Variants in PCDHGB1 observed in about 807,000 individuals in gnomAD.
PCDHGB1 encodes protocadherin gamma subfamily B, 1.
PCDHGB1 carries 34 observed loss-of-function variants against 56.6 expected under a neutral mutation model. The observed-to-expected ratio is 0.60, with a 90% CI of 0.46 to 0.80. The LOEUF is 0.80. Ranked by LOEUF, PCDHGB1 falls within the 30% of genes least tolerant of loss-of-function variation. PCDHGB1 has a pLI of 0.00. For missense variants in PCDHGB1, 1,278 were observed against 1,204.6 expected, an observed-to-expected ratio of 1.06 and a Z score of -0.90; for synonymous variants, 561 against 505.9, an observed-to-expected ratio of 1.11 and a Z score of -1.46.
chr5:141,473,925 T>C (rs1338065496), intron 1 of PCDHGB1, among the ~76,000 whole-genome samples: 1 of 152,124 alleles, frequency 6.6e-6, no homozygotes, highest in East Asian at 1.9e-4. Context: ...AACTATGAGC[T>C]GGGTGCAGTA....
intron 1 of PCDHGB1, chr5:141,400,589 A>G (rs771561940): frequency 4.4e-6 from 7 of 1,605,662 alleles, no homozygotes; most frequent in South Asian, 2.2e-5. Flanking sequence ...ACATGAAACT[A>G]TCGTACATTT....
At position 141,426,001 on chromosome 5, in the gene PCDHGB1, T is replaced by C. The variant is rs553657872; in HGVS notation, c.2410-68806T>C. Among the ~76,000 whole-genome samples, 3 of 152,318 alleles carry C rather than the reference T, an allele frequency of 2.0e-5. No individual in the cohort carries two copies. In the South Asian group the frequency reaches 6.2e-4, roughly 32 times the overall value. The stretch of plus-strand genomic sequence containing the variant: ...TGAATCCCATTGAATTAGCAAAGGC[T>C]TCCGGCTGCAGTTTTCTAAATAGAC... On this transcript the variant is annotated intron_variant, in intron 1 of 3. Transcript: ENST00000523390.
At chr5:141,384,990 G>A in intron 1 of PCDHGB1, 1 of 1,614,140 alleles carries the variant, frequency 6.2e-7, no homozygotes, top group Non-Finnish European at 8.5e-7. Context: ...TGGTGGCGGT[G>A]GCCACAGTCT....
rs1554116873 is a variant in PCDHGB1 at position 141,423,758 on chromosome 5, G to GT, written c.2410-71049_2410-71048insT. On this transcript the variant is annotated intron_variant, in intron 1 of 3. Coordinates refer to ENST00000523390, the MANE Select transcript of PCDHGB1 (RefSeq NM_018922.3). Reference sequence around the variant, plus strand: ...CTGTTATGAAAACTGTTTGGGGGGGGGGTGGGGCGGCATATATTTAGTTCA... The same window carrying GT: ...CTGTTATGAAAACTGTTTGGGGGGGGTGGTGGGGCGGCATATATTTAGTTCA... 14 of 366,842 alleles carry GT rather than the reference G, an allele frequency of 3.8e-5. 1 individual carries two copies. The highest frequency in any genetic ancestry group is 5.4e-5 in the Non-Finnish European group (14 of 259,742). The allele number at this position is 366,842 out of a possible 1,614,324, so 22.7% of individuals were successfully genotyped here. A position where few individuals can be genotyped will look rare whatever the true frequency, so the allele number is the denominator to read the frequency against.
At chr5:141,450,626 A>G (rs1474729472) in intron 1 of PCDHGB1, among the ~76,000 whole-genome samples, 1 of 151,438 alleles carries the variant, frequency 6.6e-6, no homozygotes, top group East Asian at 2.0e-4. Context: ...AGCTGGGATT[A>G]CAGATGCCTG....
At chr5:141,494,755 C>T (rs1246224213) in intron 1 of PCDHGB1, 52 bp from the exon 2 acceptor site, 18 of 1,613,724 alleles carry the variant, frequency 1.1e-5, no homozygotes, top group African/African-American at 1.3e-5. Context: ...GCTCGGGTGA[C>T]ATTCTAACTT....
chr5:141,375,414 A>G lies in PCDHGB1; in HGVS notation c.2409+22745A>G, dbSNP rs752900319. The stretch of plus-strand genomic sequence containing the variant: ...ACAATCATCTCTCTAAATGTGGCAG[A>G]CACCAACGACAACCCGCCCACCTTC... On this transcript the variant is annotated intron_variant, in intron 1 of 3. Transcript: ENST00000523390. 21 of 1,613,866 alleles carry G rather than the reference A, an allele frequency of 1.3e-5. No homozygotes were observed. In the South Asian group the frequency reaches 1.6e-4, roughly 13 times the overall value.
Position 141,489,948 on chromosome 5 carries a change from T to G in PCDHGB1, c.2410-4859T>G. The G allele has an allele frequency of 6.2e-7, 1 of 1,614,210 alleles. No homozygotes were observed. Among genetic ancestry groups the G allele is most frequent in the Non-Finnish European group, 8.5e-7 (1 of 1,180,030 alleles). ...TCTCTGTCATCGTGCTGGACATCAA[T>G]GATAATGCTCCAACCTTCCAATCCT... On this transcript the variant is annotated intron_variant, in intron 1 of 3. Transcript: ENST00000523390. The surrounding 1 kb of genome is among the most constrained non-coding windows in gnomAD (Gnocchi z 4.5).
Position 141,383,215 on chromosome 5 carries a change from T to C in PCDHGB1, c.2409+30546T>C, listed in dbSNP as rs375026409. ...TCAGAGTGCGCGGTGTCTGGTAAAC[T>C]TTAACATCCTGATGGAAGATAAAAT... On this transcript the variant is annotated intron_variant, in intron 1 of 3. Coordinates refer to ENST00000523390, the MANE Select transcript of PCDHGB1 (RefSeq NM_018922.3). The C allele has an allele frequency of 5.6e-6, 9 of 1,613,884 alleles. No individual in the cohort carries two copies. The African/African-American group carries it at 1.2e-4, about 22-fold the overall frequency.
intron 1 of PCDHGB1, among the ~76,000 whole-genome samples, chr5:141,467,809 C>T (rs1026263094): frequency 6.6e-6 from 1 of 152,056 alleles, no homozygotes. Flanking sequence ...CAGGCACATG[C>T]CACCACACCA....
Position 141,384,065 on chromosome 5 carries a change from A to G in PCDHGB1, c.2409+31396A>G, listed in dbSNP as rs1209284047. ...GAGGTGACCTGCACCATTCCAGAAAACCTACCTTTTAAATTAGAAAAATCA... is the reference window on the plus strand; with the variant it reads ...GAGGTGACCTGCACCATTCCAGAAAGCCTACCTTTTAAATTAGAAAAATCA... On this transcript the variant is annotated intron_variant, in intron 1 of 3. Transcript: ENST00000523390. 2 of 1,607,382 alleles carry G rather than the reference A, an allele frequency of 1.2e-6. No individual in the cohort carries two copies. The highest frequency in any genetic ancestry group is 1.7e-5 in the Admixed American group (1 of 58,998).
At chr5:141,375,014 G>C in intron 1 of PCDHGB1, 1 of 1,614,004 alleles carries the variant, frequency 6.2e-7, no homozygotes, top group Non-Finnish European at 8.5e-7. Flanking sequence ...AGACTATGAG[G>C]ACTCGAGTTT....
chr5:141,447,681 C>T (rs2098548531), intron 1 of PCDHGB1, among the ~76,000 whole-genome samples: 1 of 152,066 alleles, frequency 6.6e-6, no homozygotes, highest in African/African-American at 2.4e-5. Flanking sequence ...TGTTCCATAT[C>T]TTGATAGAGG....
chr5:141,355,172 A>G, intron 1 of PCDHGB1: 1 of 1,572,422 alleles, frequency 6.4e-7, no homozygotes, highest in African/African-American at 1.4e-5. Flanking sequence ...GGAAAACCGA[A>G]GCACAGGCGA....
intron 1 of PCDHGB1, chr5:141,388,040 G>A (rs1561617548): frequency 7.1e-7 from 1 of 1,412,748 alleles, no homozygotes; most frequent in Non-Finnish European, 9.6e-7. Flanking sequence ...ACCTCGCCAC[G>A]GACCTGGGGT....
intron 1 of PCDHGB1, chr5:141,365,087 G>A (rs771010337): frequency 1.2e-6 from 2 of 1,613,854 alleles, no homozygotes; most frequent in Non-Finnish European, 1.7e-6. Context: ...GAGTGTTCCA[G>A]AGAACATACC....
At chr5:141,423,806 T>A in intron 1 of PCDHGB1, 1 of 1,251,576 alleles carries the variant, frequency 8.0e-7, no homozygotes, top group African/African-American at 1.6e-5. Flanking sequence ...GCAATACATG[T>A]GAGTTTTACT....
At chr5:141,369,393 A>G (rs113516317) in intron 1 of PCDHGB1, among the ~76,000 whole-genome samples, 5 of 152,198 alleles carry the variant, frequency 3.3e-5, no homozygotes, top group Non-Finnish European at 7.4e-5. Context: ...CATTTGGGCC[A>G]GGGTGGTTCA....
chr5:141,390,354 A>C (rs1031121162), intron 1 of PCDHGB1: 21 of 1,553,066 alleles, frequency 1.4e-5, no homozygotes, highest in Non-Finnish European at 1.6e-5. Context: ...AAATATACAT[A>C]TTTGCAGGAA....
Sources: allele counts gnomAD v4.1 joint callset (sites outside exome capture counted in the v4.1 genomes callset), GRCh38; gene constraint gnomAD v4.1.1; non-coding constraint Gnocchi (gnomAD v3.1); transcripts MANE v1.5; gene names NCBI Gene and HGNC (gene_info 2026-07-23, HGNC 2026-07-21).